ATRNL1: variants seen among roughly 807,000 people sequenced by gnomAD.
ATRNL1 encodes the protein attractin like 1, also known as attractin-like protein 1.
A neutral mutation model predicts 182.7 loss-of-function variants in ATRNL1; 95 were observed. The observed-to-expected ratio is 0.52, with a 90% CI of 0.44 to 0.62. The LOEUF (loss-of-function observed/expected upper bound fraction) is 0.62, where lower values mean the gene tolerates loss of function less well. ATRNL1 is among the 20% of genes least tolerant of loss of function. ATRNL1 has a pLI of 0.00. For synonymous variants in ATRNL1, 576 were observed against 568.3 expected, an observed-to-expected ratio of 1.01 and a Z score of -0.19; for missense variants, 1,471 against 1,679.5, an observed-to-expected ratio of 0.88 and a Z score of 2.17.
chr10:115,288,178 T>C (rs1852720004), intron 15 of ATRNL1, among the ~76,000 whole-genome samples: 1 of 152,188 alleles, frequency 6.6e-6, no homozygotes, highest in Non-Finnish European at 1.5e-5. Flanking sequence ...TGAATAGTGC[T>C]GCAATAAACA....
At chr10:115,936,831 A>C (rs1555122980) in intron 28 of ATRNL1, among the ~76,000 whole-genome samples, 2 of 152,180 alleles carry the variant, frequency 1.3e-5, no homozygotes, top group Non-Finnish European at 2.9e-5. Context: ...TTGAAAGAAG[A>C]AAATACTAGA....
In ATRNL1 at chr10:115,947,117, G is replaced by A. The variant is rs1293606366; in HGVS notation, c.*2338G>A. Reference sequence around the variant, plus strand: ...GCTAATTATGCAATTAATTCTCAACGTATCAAAGCTTTTCACTGGCAGTAA... The same window carrying A: ...GCTAATTATGCAATTAATTCTCAACATATCAAAGCTTTTCACTGGCAGTAA... On this transcript the variant is annotated 3_prime_UTR_variant, in exon 29 of 29. Coordinates refer to ENST00000355044, the MANE Select transcript of ATRNL1 (RefSeq NM_207303.4). 2.6e-5 allele frequency: 4 copies of A among 152,588 alleles called. No individual in the cohort carries two copies. The highest frequency in any genetic ancestry group is 5.9e-5 in the Non-Finnish European group (4 of 68,030). The allele number at this position is 152,588 out of a possible 1,614,324, so 9.5% of individuals were successfully genotyped here.
chr10:115,127,801 T>A, intron 4 of ATRNL1, 80 bp downstream of exon 4: 1 of 1,009,632 alleles, frequency 9.9e-7, no homozygotes, highest in Non-Finnish European at 1.4e-6. Flanking sequence ...TTATTTTTAT[T>A]AATGTCTTGT....
At chr10:115,238,385 T>G (rs781937565) in intron 9 of ATRNL1, among the ~76,000 whole-genome samples, 36 of 152,208 alleles carry the variant, frequency 2.4e-4, no homozygotes, top group Non-Finnish European at 3.7e-4. Context: ...TCTGTGTTCA[T>G]GTACTATCTC....
At chr10:115,902,186 C>G (rs762998156) in intron 28 of ATRNL1, among the ~76,000 whole-genome samples, 1 of 152,108 alleles carries the variant, frequency 6.6e-6, no homozygotes, top group African/African-American at 2.4e-5. Context: ...GTTGCTTCAT[C>G]TTAAAAGGCG....
intron 19 of ATRNL1, among the ~76,000 whole-genome samples, chr10:115,372,296 T>A (rs1183488361): frequency 1.3e-5 from 2 of 152,232 alleles, no homozygotes; most frequent in Non-Finnish European, 2.9e-5. Context: ...TTTGAAAATA[T>A]TTTCTGCAAT....
chr10:115,369,795 A>G (rs1325968016), intron 19 of ATRNL1, among the ~76,000 whole-genome samples: 1 of 152,118 alleles, frequency 6.6e-6, no homozygotes, highest in Non-Finnish European at 1.5e-5. Context: ...GTATCTCACT[A>G]TGGTTTTAAT....
intron 26 of ATRNL1, among the ~76,000 whole-genome samples, chr10:115,638,298 G>C (rs1859021653): frequency 6.6e-6 from 1 of 152,270 alleles, no homozygotes; most frequent in Non-Finnish European, 1.5e-5. Flanking sequence ...GGAGCAATAA[G>C]CTGTGCTATA....
chr10:115,463,589 G>A lies in ATRNL1; in HGVS notation c.3417+1554G>A, dbSNP rs373021123. ...GCATTAAGTATATTTACAGTGTGGT[G>A]CAATCATCACCATCATCCACATTTT... On this transcript the variant is annotated intron_variant, in intron 22 of 28. Coordinates refer to ENST00000355044, the MANE Select transcript of ATRNL1 (RefSeq NM_207303.4). 5.3e-5 allele frequency among the ~76,000 whole-genome samples: 8 copies of A among 152,124 alleles called. No homozygotes were observed. In the East Asian group the frequency reaches 1.5e-3, roughly 29 times the overall value.
At chr10:115,852,406 A>G (rs1951077886) in intron 28 of ATRNL1, among the ~76,000 whole-genome samples, 1 of 152,194 alleles carries the variant, frequency 6.6e-6, no homozygotes. Flanking sequence ...CTTGTTTATA[A>G]TGATAACAAT....
chr10:115,093,485 C>G lies in ATRNL1; in HGVS notation c.-266C>G. The stretch of plus-strand genomic sequence containing the variant: ...TCCCGCTCCCCGCCTCCGGCCGGGT[C>G]CGGGACGCCGCGGCTGTGGGGTCGG... On this transcript the variant is annotated 5_prime_UTR_variant, in exon 1 of 29. Coordinates refer to ENST00000355044, the MANE Select transcript of ATRNL1 (RefSeq NM_207303.4). This position sits in a 1 kb window ranked among gnomAD's most constrained non-coding sequence, Gnocchi z 6.1. The G allele has an allele frequency of 3.2e-6, 2 of 624,014 alleles. No homozygotes were observed. The highest frequency in any genetic ancestry group is 5.8e-6 in the Non-Finnish European group (2 of 342,452). 38.7% of individuals were successfully genotyped at this position (624,014 alleles called of 1,614,324 possible).
intron 26 of ATRNL1, among the ~76,000 whole-genome samples, chr10:115,707,177 T>C (rs1946926237): frequency 6.6e-6 from 1 of 151,786 alleles, no homozygotes; most frequent in Admixed American, 6.6e-5. Context: ...ATAGCAAAAA[T>C]TATTATTGTT....
intron 26 of ATRNL1, among the ~76,000 whole-genome samples, chr10:115,580,267 A>G (rs1854987451): frequency 6.6e-6 from 1 of 152,078 alleles, no homozygotes; most frequent in Admixed American, 6.6e-5. Context: ...GACTTCCTAC[A>G]GCATTTCTCA....
intron 1 of ATRNL1, among the ~76,000 whole-genome samples, chr10:115,110,319 G>A (rs1554867578): frequency 6.6e-6 from 1 of 152,128 alleles, no homozygotes; most frequent in African/African-American, 2.4e-5. Context: ...AGAAGAGGAA[G>A]CTAAAGACTC....
chr10:115,429,870 AT>A lies in ATRNL1; in HGVS notation c.3322+3569del, dbSNP rs577074338. The stretch of plus-strand genomic sequence containing the variant: ...ATCACGAGGTCAGGAGATCGAGACC[AT>A]CCTGGCTAACGCGTTGAAACCCCGT... On this transcript the variant is annotated intron_variant, in intron 21 of 28. Transcript: ENST00000355044. Among the ~76,000 whole-genome samples, 41 of 152,276 alleles carry A rather than the reference AT, an allele frequency of 2.7e-4. 1 individual carries two copies. In the South Asian group the frequency reaches 7.9e-3, roughly 29 times the overall value.
At chr10:115,535,313 A>G (rs1851906729) in intron 25 of ATRNL1, among the ~76,000 whole-genome samples, 1 of 151,930 alleles carries the variant, frequency 6.6e-6, no homozygotes, top group African/African-American at 2.4e-5. Flanking sequence ...GTTTCTTTTT[A>G]TTCTTTTTTC....
intron 19 of ATRNL1, among the ~76,000 whole-genome samples, chr10:115,386,274 T>G (rs970878419): frequency 2.6e-5 from 4 of 152,202 alleles, no homozygotes; most frequent in Non-Finnish European, 5.9e-5. Flanking sequence ...TTTTGTTAAA[T>G]TTGTCTCTAA....
chr10:115,508,921 A>G (rs1275172170), intron 24 of ATRNL1, among the ~76,000 whole-genome samples: 1 of 152,084 alleles, frequency 6.6e-6, no homozygotes, highest in East Asian at 1.9e-4. Flanking sequence ...GATACCACCT[A>G]GGAATTTTAT....
chr10:115,893,795 G>A (rs1468132858), intron 28 of ATRNL1, among the ~76,000 whole-genome samples: 7 of 152,252 alleles, frequency 4.6e-5, no homozygotes, highest in East Asian at 1.9e-4. Context: ...GGACCCCCAC[G>A]CAAACAATAA....
Sources: gnomAD v4.1 joint callset for allele counts (sites outside exome capture counted in the v4.1 genomes callset) on GRCh38, gnomAD v4.1.1 for gene constraint, Gnocchi (gnomAD v3.1) non-coding constraint, MANE v1.5 for transcripts, NCBI Gene and HGNC (gene_info 2026-07-23, HGNC 2026-07-21) for gene names.